Variants in TBL1X observed in about 807,000 individuals in gnomAD.
TBL1X encodes transducin beta like 1 X-linked.
A neutral mutation model predicts 50.7 loss-of-function variants in TBL1X; 10 were observed. The ratio of observed to expected loss-of-function variants is 0.20; its 90% CI spans 0.12 to 0.33. TBL1X has a LOEUF of 0.33. Ranked by LOEUF, TBL1X falls within the 10% of genes least tolerant of loss-of-function variation. The pLI is 1.00. For synonymous variants in TBL1X, 190 were observed against 214.7 expected (o/e 0.88, Z 1.01); for missense variants, 340 against 504.4 (o/e 0.67, Z 3.12).
chrX:9,485,410 C>T (rs2081906238), intron 1 of TBL1X, among the ~76,000 whole-genome samples: 1 of 112,226 alleles, frequency 8.9e-6, no homozygotes, highest in Admixed American at 9.5e-5. Context: ...ACATGTCAGT[C>T]TTTTCTTTGG....
At chrX:9,655,907 A>G (rs745810887) in intron 5 of TBL1X, among the ~76,000 whole-genome samples, 2 of 112,508 alleles carry the variant, frequency 1.8e-5, no homozygotes, top group Non-Finnish European at 3.8e-5. Flanking sequence ...AAATGTGCTC[A>G]AATACGTCAG....
chrX:9,630,748 G>A (rs997608414), intron 2 of TBL1X, among the ~76,000 whole-genome samples: 2 of 111,137 alleles, frequency 1.8e-5, no homozygotes, highest in Non-Finnish European at 3.8e-5. Context: ...GCTAATTTTT[G>A]TATTTTTTGT....
chrX:9,647,923 C>T (rs1196232680), intron 3 of TBL1X, among the ~76,000 whole-genome samples: 6 of 111,817 alleles, frequency 5.4e-5, no homozygotes, highest in African/African-American at 2.0e-4. Context: ...ATACCAGCTC[C>T]CACATACTGG....
rs753669174 is a variant in TBL1X, at chrX:9,466,488, G to T, written c.-201+1041G>T. On this transcript the variant is annotated intron_variant, in intron 1 of 17. Transcript: ENST00000645353. ...GACTGACGTTTATTCTCGAGTCAGTGATGTTCTGGAGCAAAACCTAAAAAG... is the reference window on the plus strand; with the variant it reads ...GACTGACGTTTATTCTCGAGTCAGTTATGTTCTGGAGCAAAACCTAAAAAG... Among the ~76,000 whole-genome samples, 43 of 112,852 alleles carry T rather than the reference G, an allele frequency of 3.8e-4. No homozygotes were observed. The Middle Eastern group carries it at 0.023, about 60-fold the overall frequency.
chrX:9,581,589 A>G (rs781670411), intron 2 of TBL1X, among the ~76,000 whole-genome samples: 1 of 112,028 alleles, frequency 8.9e-6, no homozygotes, highest in Admixed American at 9.4e-5. Context: ...GGATGCTGCT[A>G]ACATCCCACC....
At chrX:9,636,741 T>C (rs1031921790) in intron 2 of TBL1X, 3 of 112,602 alleles carry the variant, frequency 2.7e-5, no homozygotes, top group Non-Finnish European at 5.6e-5. Context: ...GAAGAGTCTC[T>C]CAGTGCTTTA....
intron 2 of TBL1X, among the ~76,000 whole-genome samples, chrX:9,526,985 C>T (rs2082135796): frequency 9.0e-6 from 1 of 111,569 alleles, no homozygotes; most frequent in Non-Finnish European, 1.9e-5. Context: ...AGAAAGGCCC[C>T]GCCACACGGA....
At chrX:9,643,295 C>T (rs1035433153) in intron 3 of TBL1X, among the ~76,000 whole-genome samples, 3 of 111,308 alleles carry the variant, frequency 2.7e-5, no homozygotes, top group African/African-American at 9.8e-5. Flanking sequence ...GACATCCTCC[C>T]CAACCCCTAA....
intron 1 of TBL1X, among the ~76,000 whole-genome samples, chrX:9,483,666 C>T (rs756427702): frequency 1.8e-5 from 2 of 111,453 alleles, no homozygotes; most frequent in Non-Finnish European, 3.8e-5. Context: ...CTGATCTGTG[C>T]TCTGAACAAA....
chrX:9,630,740 T>A (rs2146578250), intron 2 of TBL1X, among the ~76,000 whole-genome samples: 1 of 111,431 alleles, frequency 9.0e-6, no homozygotes, highest in African/African-American at 3.2e-5. Flanking sequence ...CACGCCCAGC[T>A]AATTTTTGTA....
At chrX:9,561,894 G>A (rs1486306110) in intron 2 of TBL1X, among the ~76,000 whole-genome samples, 1 of 112,238 alleles carries the variant, frequency 8.9e-6, no homozygotes, top group Non-Finnish European at 1.9e-5. Flanking sequence ...ACCTTTCCAG[G>A]TGAGGAGGGA....
intron 1 of TBL1X, among the ~76,000 whole-genome samples, chrX:9,465,913 G>A (rs954772431): frequency 8.8e-6 from 1 of 113,245 alleles, no homozygotes; most frequent in Admixed American, 9.2e-5. Flanking sequence ...ATTCATACCC[G>A]GGACGCGGGC....
At chrX:9,705,657 G>T (rs992715928) in intron 13 of TBL1X, among the ~76,000 whole-genome samples, 4 of 105,535 alleles carry the variant, frequency 3.8e-5, no homozygotes, top group Non-Finnish European at 7.8e-5. Flanking sequence ...GGAGCTGAAG[G>T]CTGCAGTGAG....
chrX:9,543,599 C>T (rs2082226470), intron 2 of TBL1X, among the ~76,000 whole-genome samples: 1 of 110,981 alleles, frequency 9.0e-6, no homozygotes, highest in Non-Finnish European at 1.9e-5. Flanking sequence ...GTGCAAGTGA[C>T]CGCTCCTGCC....
intron 2 of TBL1X, among the ~76,000 whole-genome samples, chrX:9,632,514 C>A (rs2082726765): frequency 9.0e-6 from 1 of 111,323 alleles, no homozygotes; most frequent in Non-Finnish European, 1.9e-5. Flanking sequence ...GACTCCTGGC[C>A]TCAAGTAATC....
At chrX:9,508,523 G>A (rs1334305749) in intron 2 of TBL1X, among the ~76,000 whole-genome samples, 1 of 112,402 alleles carries the variant, frequency 8.9e-6, no homozygotes, top group African/African-American at 3.2e-5. Context: ...GTGGAAGACA[G>A]TATGGCGATT....
chrX:9,704,092 C>T (rs1196219822), intron 12 of TBL1X, among the ~76,000 whole-genome samples: 3 of 111,981 alleles, frequency 2.7e-5, no homozygotes, highest in East Asian at 2.8e-4. Context: ...GTCAGCTCCC[C>T]GTTGTTCTGT....
chrX:9,670,121 A>G lies in TBL1X; in HGVS notation c.212-13922A>G, dbSNP rs924019647. Among the ~76,000 whole-genome samples, 4 of 112,243 alleles carry G rather than the reference A, an allele frequency of 3.6e-5. No homozygotes were observed. The Middle Eastern group carries it at 0.019, about 520-fold the overall frequency. ...TTTACCATTATGCCATTATGCCATAATAATTTGCCATTATGCCGGCAGTCA... is the reference window on the plus strand; with the variant it reads ...TTTACCATTATGCCATTATGCCATAGTAATTTGCCATTATGCCGGCAGTCA... On this transcript the variant is annotated intron_variant, in intron 5 of 17. Transcript: ENST00000645353.
At chrX:9,570,031 C>T (rs1393416350) in intron 2 of TBL1X, among the ~76,000 whole-genome samples, 3 of 111,689 alleles carry the variant, frequency 2.7e-5, no homozygotes, top group South Asian at 3.7e-4. Flanking sequence ...TTATTAAAAC[C>T]CAGGAAGTTT....
Sources: gnomAD v4.1 joint callset for allele counts (sites outside exome capture counted in the v4.1 genomes callset) on GRCh38, gnomAD v4.1.1 for gene constraint, MANE v1.5 for transcripts, NCBI Gene and HGNC (gene_info 2026-07-23, HGNC 2026-07-21) for gene names.